GOLGA8B: variants seen among roughly 807,000 people sequenced by gnomAD.
The protein encoded by GOLGA8B is golgin A8 family member B.
Under a neutral mutation model 15.6 loss-of-function variants are expected in GOLGA8B, and 1 was observed. The ratio of observed to expected loss-of-function variants is 0.06; its 90% CI spans 0.02 to 0.30. The LOEUF is 0.30. GOLGA8B is among the 10% of genes least tolerant of loss of function. GOLGA8B has a pLI of 1.00. For missense variants in GOLGA8B, 17 were observed against 201.3 expected, an observed-to-expected ratio of 0.08 and a Z score of 5.54; for synonymous variants, 9 against 80.3, an observed-to-expected ratio of 0.11 and a Z score of 4.75.
chr15:34,572,224 T>C (rs1420133368), intron 1 of GOLGA8B, among the ~76,000 whole-genome samples: 1 of 152,236 alleles, frequency 6.6e-6, no homozygotes, highest in Non-Finnish European at 1.5e-5. Flanking sequence ...TCATTTAGAA[T>C]GGTCACCACC....
At chr15:34,568,106 T>C (rs1042927082) in intron 1 of GOLGA8B, among the ~76,000 whole-genome samples, 1 of 150,372 alleles carries the variant, frequency 6.7e-6, no homozygotes, top group Non-Finnish European at 1.5e-5. Flanking sequence ...GAAAGTCAGG[T>C]GTCCCTGAGA....
chr15:34,543,284 C>T (rs1368172060), intron 7 of GOLGA8B, among the ~76,000 whole-genome samples: 1 of 142,532 alleles, frequency 7.0e-6, no homozygotes, highest in Non-Finnish European at 1.5e-5. Flanking sequence ...AGTGATCCTC[C>T]CACCTCAGCC....
At chr15:34,576,510 C>T (rs184112560) in intron 1 of GOLGA8B, among the ~76,000 whole-genome samples, 6 of 152,316 alleles carry the variant, frequency 3.9e-5, no homozygotes, top group African/African-American at 1.4e-4. Flanking sequence ...ACCTGCAAAA[C>T]GATGACATGC....
intron 1 of GOLGA8B, among the ~76,000 whole-genome samples, chr15:34,565,189 G>T (rs1397707181): frequency 2.2e-5 from 3 of 136,378 alleles, no homozygotes; most frequent in African/African-American, 7.8e-5. Flanking sequence ...AGGCTGGAGT[G>T]CAATGGTGTG....
In GOLGA8B at chr15:34,525,639, C is replaced by T. The variant is rs1894425491; in HGVS notation, c.*1993G>A. The T allele has an allele frequency of 6.7e-6, 1 of 149,824 alleles. No homozygotes were observed. The highest frequency in any genetic ancestry group is 1.5e-5 in the Non-Finnish European group (1 of 67,274). 9.3% of individuals were successfully genotyped at this position (149,824 alleles called of 1,614,324 possible). ...AACCCACGGGCTAGAAATCATACCA[C>T]TATTAGCCACATTATTTGGTCTAAT... On this transcript the variant is annotated 3_prime_UTR_variant, in exon 24 of 24. Transcript: ENST00000683415.
chr15:34,575,329 C>T (rs1889043779), intron 1 of GOLGA8B, among the ~76,000 whole-genome samples: 1 of 151,384 alleles, frequency 6.6e-6, no homozygotes, highest in South Asian at 2.1e-4. Context: ...TCCCCACACC[C>T]TCCTCTCGCC....
In GOLGA8B at chr15:34,563,942, T is replaced by C. The variant is rs981833919; in HGVS notation, c.-1122-9986A>G. On this transcript the variant is annotated intron_variant, in intron 1 of 23. Transcript: ENST00000683415. Reference sequence around the variant, plus strand: ...TTGTTTCCTTCCTTCTAGGCTCTTATTTCATTTCCGTACCAATGGTATGCA... The same window carrying C: ...TTGTTTCCTTCCTTCTAGGCTCTTACTTCATTTCCGTACCAATGGTATGCA... Among the ~76,000 whole-genome samples the C allele has an allele frequency of 2.9e-4, 41 of 140,210 alleles. 3 individuals are homozygous for C. The highest frequency in any genetic ancestry group is 1.7e-3 in the Admixed American group (24 of 14,016). 92.0% of individuals were successfully genotyped at this position (140,210 alleles called of 152,430 possible). A position where few individuals can be genotyped will look rare whatever the true frequency, so the allele number is the denominator to read the frequency against.
At chr15:34,574,019 C>G (rs1017452588) in intron 1 of GOLGA8B, among the ~76,000 whole-genome samples, 3 of 151,874 alleles carry the variant, frequency 2.0e-5, no homozygotes, top group African/African-American at 7.3e-5. Context: ...CTCCCCAGCC[C>G]ATCAGGTCAC....
At chr15:34,572,822 A>C (rs75639786) in intron 1 of GOLGA8B, among the ~76,000 whole-genome samples, 3 of 152,230 alleles carry the variant, frequency 2.0e-5, no homozygotes, top group African/African-American at 4.8e-5. Context: ...TGTTATATAG[A>C]TCTATCATAT....
At chr15:34,582,460 A>G (rs1002949828) in intron 1 of GOLGA8B, among the ~76,000 whole-genome samples, 1 of 152,268 alleles carries the variant, frequency 6.6e-6, no homozygotes, top group Non-Finnish European at 1.5e-5. Context: ...GCCCAAAAAC[A>G]AAGTGCCAGA....
At chr15:34,569,960 C>T (rs1382133111) in intron 1 of GOLGA8B, among the ~76,000 whole-genome samples, 2 of 152,216 alleles carry the variant, frequency 1.3e-5, no homozygotes, top group Non-Finnish European at 2.9e-5. Context: ...TCTCCTGGTA[C>T]AGTCAGGGTG....
intron 1 of GOLGA8B, among the ~76,000 whole-genome samples, chr15:34,568,869 C>A (rs868480762): frequency 7.6e-6 from 1 of 131,984 alleles, no homozygotes. Flanking sequence ...GCCCCAGAGT[C>A]AGAAGGGGGT....
intron 1 of GOLGA8B, among the ~76,000 whole-genome samples, chr15:34,577,412 T>C (rs1234928802): frequency 1.3e-5 from 2 of 151,732 alleles, no homozygotes; most frequent in African/African-American, 2.4e-5. Context: ...TAAGAACACA[T>C]ACAACAGTTC....
chr15:34,580,277 G>A (rs1483293442), intron 1 of GOLGA8B, among the ~76,000 whole-genome samples: 1 of 152,180 alleles, frequency 6.6e-6, no homozygotes, highest in African/African-American at 2.4e-5. Flanking sequence ...GAGCCTGGAG[G>A]GACCATTCTT....
At chr15:34,575,964 C>T (rs187532029) in intron 1 of GOLGA8B, among the ~76,000 whole-genome samples, 68 of 152,254 alleles carry the variant, frequency 4.5e-4, no homozygotes, top group African/African-American at 1.6e-3. Context: ...CAAAGGGACT[C>T]GGGGGTAAGA....
At chr15:34,570,128 C>T (rs113454992) in intron 1 of GOLGA8B, among the ~76,000 whole-genome samples, 24,898 of 151,816 alleles carry the variant, frequency 0.16, 2,403 homozygotes, top group Admixed American at 0.28. Context: ...ACCACCACTG[C>T]CTGGGGGTCC....
At chr15:34,561,007 C>T (rs1485830733) in intron 1 of GOLGA8B, among the ~76,000 whole-genome samples, 6 of 146,268 alleles carry the variant, frequency 4.1e-5, no homozygotes, top group South Asian at 2.3e-4. Context: ...CTGTAAGCGG[C>T]GGAGCTTCCA....
intron 1 of GOLGA8B, among the ~76,000 whole-genome samples, chr15:34,579,798 T>C (rs1595713590): frequency 6.6e-6 from 1 of 152,196 alleles, no homozygotes; most frequent in Non-Finnish European, 1.5e-5. Flanking sequence ...CACTCACTCA[T>C]CCAACAACAG....
intron 1 of GOLGA8B, among the ~76,000 whole-genome samples, chr15:34,575,075 C>T (rs1419562225): frequency 7.2e-5 from 10 of 139,570 alleles, no homozygotes; most frequent in Admixed American, 1.5e-4. Flanking sequence ...AGAACAGGGG[C>T]AATTTAATCT....
Sources: allele counts gnomAD v4.1 joint callset (sites outside exome capture counted in the v4.1 genomes callset), GRCh38; gene constraint gnomAD v4.1.1; transcripts MANE v1.5; gene names NCBI Gene and HGNC (gene_info 2026-07-23, HGNC 2026-07-21).